Variants in TBXAS1 observed in about 807,000 individuals in gnomAD.
TBXAS1 encodes thromboxane A synthase 1.
Under a neutral mutation model 60.7 loss-of-function variants are expected in TBXAS1, and 48 were observed. The observed-to-expected ratio is 0.79, with a 90% CI of 0.63 to 1.01. The LOEUF (loss-of-function observed/expected upper bound fraction) is 1.01, where lower values mean the gene tolerates loss of function less well. TBXAS1 is among the 50% of genes least tolerant of loss of function. TBXAS1 has a pLI of 0.00. For missense variants in TBXAS1, 685 were observed against 686.3 expected, an observed-to-expected ratio of 1.00 and a Z score of 0.02; for synonymous variants, 287 against 269.7, an observed-to-expected ratio of 1.06 and a Z score of -0.63.
At chr7:139,810,119 C>T (rs1027388355) in intron 4 of TBXAS1, among the ~76,000 whole-genome samples, 3 of 150,854 alleles carry the variant, frequency 2.0e-5, no homozygotes, top group African/African-American at 7.3e-5. Context: ...TCACTGCAAC[C>T]TCTGTTTCAC....
At chr7:139,992,469 A>G (rs1192495158) in intron 9 of TBXAS1, among the ~76,000 whole-genome samples, 1 of 152,156 alleles carries the variant, frequency 6.6e-6, no homozygotes, top group Non-Finnish European at 1.5e-5. Flanking sequence ...TCGCGGAGCC[A>G]TGTCTCTGGG....
At chr7:140,009,633 C>A (rs1162871580) in intron 10 of TBXAS1, among the ~76,000 whole-genome samples, 2 of 119,970 alleles carry the variant, frequency 1.7e-5, no homozygotes, top group African/African-American at 6.4e-5. Context: ...CACACCTGCC[C>A]CACACCCACC....
At chr7:139,854,894 A>G (rs117838593) in intron 1 of TBXAS1, among the ~76,000 whole-genome samples, 1,560 of 152,256 alleles carry the variant, frequency 0.01, 19 homozygotes, top group Non-Finnish European at 0.016. Flanking sequence ...TCATTTTTGT[A>G]TGATATCTAC....
intron 8 of TBXAS1, among the ~76,000 whole-genome samples, chr7:139,959,789 C>T (rs1001037436): frequency 6.6e-6 from 1 of 152,164 alleles, no homozygotes; most frequent in Non-Finnish European, 1.5e-5. Flanking sequence ...TGATATCACA[C>T]CCTGAGGACC....
At chr7:139,863,211 G>A (rs1801094680) in intron 1 of TBXAS1, among the ~76,000 whole-genome samples, 4 of 152,142 alleles carry the variant, frequency 2.6e-5, no homozygotes, top group South Asian at 4.1e-4. Context: ...TGTAACTCTT[G>A]TATGTCAATA....
chr7:139,911,457 A>G (rs1157551684), intron 4 of TBXAS1, 136 bp downstream of exon 4: 1 of 795,072 alleles, frequency 1.3e-6, no homozygotes, highest in Non-Finnish European at 2.2e-6. Flanking sequence ...TAAGCTCCTC[A>G]GTGAACTCGG....
upstream of TBXAS1, among the ~76,000 whole-genome samples, chr7:139,828,268 C>T (rs767566443): frequency 6.6e-6 from 1 of 152,144 alleles, no homozygotes; most frequent in African/African-American, 2.4e-5. Flanking sequence ...TTGTTCAATT[C>T]TATTGCTGAG....
intron 9 of TBXAS1, among the ~76,000 whole-genome samples, chr7:139,981,030 A>C (rs1464336098): frequency 1.3e-5 from 2 of 152,176 alleles, no homozygotes; most frequent in African/African-American, 2.4e-5. Context: ...TAAAAACCAC[A>C]ACAACAAAAA....
intron 3 of TBXAS1, among the ~76,000 whole-genome samples, chr7:139,908,542 T>A (rs1201163816): frequency 6.6e-6 from 1 of 152,192 alleles, no homozygotes; most frequent in Non-Finnish European, 1.5e-5. Flanking sequence ...TATCACAATC[T>A]ATGAGTATGA....
At position 139,897,618 on chromosome 7, in the gene TBXAS1, C is replaced by T. The variant is rs530496492; in HGVS notation, c.237-13607C>T. On this transcript the variant is annotated intron_variant, in intron 3 of 12. Transcript: ENST00000448866. ...GTCCAAAGTCTGGCCAGGAAGAGGACCAGGGATTGTACCAGCCTGAAAAGG... is the reference window on the plus strand; with the variant it reads ...GTCCAAAGTCTGGCCAGGAAGAGGATCAGGGATTGTACCAGCCTGAAAAGG... Among the ~76,000 whole-genome samples, 5 of 152,172 alleles carry T rather than the reference C, an allele frequency of 3.3e-5. 1 individual carries two copies. The highest frequency in any genetic ancestry group is 6.8e-3 in the Middle Eastern group (2 of 294).
At chr7:139,900,298 C>T (rs1804465693) in intron 3 of TBXAS1, among the ~76,000 whole-genome samples, 1 of 152,180 alleles carries the variant, frequency 6.6e-6, no homozygotes, top group South Asian at 2.1e-4. Context: ...TCAGCCATGG[C>T]CCAGAGAGTT....
Position 139,908,163 on chromosome 7 carries a change from T to A in TBXAS1, c.237-3062T>A, listed in dbSNP as rs76020933. ...TTTCAGGTTCATAGAGTTCTGCACTTTTTTTTTTATTATTTCCTTTCCTGT... is the reference window on the plus strand; with the variant it reads ...TTTCAGGTTCATAGAGTTCTGCACTATTTTTTTTATTATTTCCTTTCCTGT... On this transcript the variant is annotated intron_variant, in intron 3 of 12. Transcript: ENST00000448866. Among the ~76,000 whole-genome samples, 1,147 of 150,884 alleles carry A rather than the reference T, an allele frequency of 7.6e-3. 10 individuals carry two copies. Among genetic ancestry groups the A allele is most frequent in the Admixed American group, 0.012 (184 of 15,116 alleles).
At chr7:139,877,962 C>T (rs1323218647) in intron 3 of TBXAS1, among the ~76,000 whole-genome samples, 4 of 152,104 alleles carry the variant, frequency 2.6e-5, no homozygotes, top group African/African-American at 7.2e-5. Flanking sequence ...CAGAAAAAGT[C>T]CTGACTGAGT....
chr7:139,866,528 C>T (rs563371962), intron 1 of TBXAS1, among the ~76,000 whole-genome samples: 110 of 149,668 alleles, frequency 7.3e-4, no homozygotes, highest in South Asian at 1.5e-3. Flanking sequence ...CTGAGGCAGG[C>T]AGATCGCTTG....
At chr7:139,978,998 G>A (rs1049520203) in intron 9 of TBXAS1, among the ~76,000 whole-genome samples, 1 of 152,156 alleles carries the variant, frequency 6.6e-6, no homozygotes, top group Non-Finnish European at 1.5e-5. Flanking sequence ...AATTCAGAGA[G>A]TAAGTGACTT....
chr7:139,951,593 T>TAAAAAAAAAAAAA (rs66551791), intron 5 of TBXAS1, among the ~76,000 whole-genome samples: 24 of 66,312 alleles, frequency 3.6e-4, no homozygotes, highest in African/African-American at 1.4e-3. Context: ...CCGTCTCTAC[T>TAAAAAAAAAAAAA]AAAAAAAAAA....
intron 9 of TBXAS1, among the ~76,000 whole-genome samples, chr7:140,006,765 G>C (rs998124416): frequency 2.7e-4 from 41 of 152,184 alleles, no homozygotes; most frequent in African/African-American, 9.4e-4. Flanking sequence ...CATCAAATGC[G>C]GTAACGTCTA....
chr7:139,938,771 G>A (rs115136427), intron 5 of TBXAS1, among the ~76,000 whole-genome samples: 1 of 152,136 alleles, frequency 6.6e-6, no homozygotes, highest in Non-Finnish European at 1.5e-5. Context: ...CCTCATGTGT[G>A]AAAAAGAAAT....
intron 5 of TBXAS1, among the ~76,000 whole-genome samples, chr7:139,940,697 G>T (rs550667335): frequency 7.2e-5 from 11 of 152,100 alleles, no homozygotes; most frequent in Admixed American, 2.0e-4. Flanking sequence ...CCTGTTTATT[G>T]TATGTCCCCT....
Sources: gnomAD v4.1 joint callset for allele counts (sites outside exome capture counted in the v4.1 genomes callset) on GRCh38, gnomAD v4.1.1 for gene constraint, MANE v1.5 for transcripts, NCBI Gene and HGNC (gene_info 2026-07-23, HGNC 2026-07-21) for gene names.